NIPAL1: variants seen among roughly 807,000 people sequenced by gnomAD.
NIPAL1 encodes NIPA like domain containing 1.
Under a neutral mutation model 37.7 loss-of-function variants are expected in NIPAL1, and 35 were observed. The ratio of observed to expected loss-of-function variants is 0.93; its 90% CI spans 0.71 to 1.23. The LOEUF (loss-of-function observed/expected upper bound fraction) is 1.23, where lower values mean the gene tolerates loss of function less well. NIPAL1 is among the 50% of genes most tolerant of loss of function. The probability of loss-of-function intolerance (pLI) is 0.00; values close to 1 mark genes in which losing one functional copy is unlikely to be tolerated. For synonymous variants in NIPAL1, 162 were observed against 183.0 expected (o/e 0.89, Z 0.93); for missense variants, 412 against 473.9 (o/e 0.87, Z 1.21).
Position 48,024,074 on chromosome 4 carries a change from G to A in NIPAL1, c.47-994G>A, listed in dbSNP as rs369990959. Among the ~76,000 whole-genome samples the A allele has an allele frequency of 8.6e-5, 13 of 150,404 alleles. No homozygotes were observed. The South Asian group carries it at 2.7e-3, about 32-fold the overall frequency. ...CACTGCAGCCGCCTCCTGGGTTCAA[G>A]TGATTCTCCTGCCTCCACCTCCAGA... On this transcript the variant is annotated intron_variant, in intron 1 of 5. Transcript: ENST00000295461.
rs1716008043 is a variant in NIPAL1, at chr4:48,038,600, C to T, written c.*2428C>T. The T allele has an allele frequency of 7.2e-5, 11 of 152,080 alleles. No homozygotes were observed. Among genetic ancestry groups the T allele is most frequent in the Admixed American group, 7.2e-4 (11 of 15,276 alleles). 9.4% of individuals were successfully genotyped at this position (152,080 alleles called of 1,614,324 possible). ...TCCAGCCTGGGTGACAAGAGTGAGA[C>T]CCTGACCCAAAAAAGTATCTTCTGA... On this transcript the variant is annotated 3_prime_UTR_variant, in exon 6 of 6. Transcript: ENST00000295461.
chr4:48,028,498 T>C (rs1577625135), intron 2 of NIPAL1, among the ~76,000 whole-genome samples: 1 of 152,158 alleles, frequency 6.6e-6, no homozygotes, highest in Non-Finnish European at 1.5e-5. Context: ...GAAAAACTTT[T>C]CTGGACATTG....
intron 4 of NIPAL1, among the ~76,000 whole-genome samples, chr4:48,033,908 C>T (rs1221538867): frequency 2.0e-5 from 3 of 152,188 alleles, no homozygotes; most frequent in African/African-American, 4.8e-5. Flanking sequence ...TAAAGCACTT[C>T]AAACACTTGT....
At position 48,026,787 on chromosome 4, in the gene NIPAL1, C is replaced by T. The variant is rs539793633; in HGVS notation, c.313+1453C>T. 9.9e-5 allele frequency among the ~76,000 whole-genome samples: 15 copies of T among 151,274 alleles called. No individual in the cohort carries two copies. In the East Asian group the frequency reaches 1.7e-3, roughly 18 times the overall value. ...AGGCTGGAGTACAGTGGCATGATCT[C>T]GGCTCACTGCAACCTCCACCTCCCA... On this transcript the variant is annotated intron_variant, in intron 2 of 5. Transcript: ENST00000295461.
chr4:48,024,264 G>A (rs1017831040), intron 1 of NIPAL1, among the ~76,000 whole-genome samples: 1 of 151,600 alleles, frequency 6.6e-6, no homozygotes, highest in African/African-American at 2.4e-5. Context: ...CAGCCATAAT[G>A]CTCAGCCAAT....
Position 48,035,976 on chromosome 4 carries a change from C to T in NIPAL1, c.1037C>T (p.Thr346Ile), listed in dbSNP as rs768157903. 1.1e-5 allele frequency: 18 copies of T among 1,613,656 alleles called. No individual in the cohort carries two copies. Among genetic ancestry groups the T allele is most frequent in the Non-Finnish European group, 1.4e-5 (17 of 1,179,646 alleles). Residue 346 changes from threonine (T) to isoleucine (I), a missense_variant, in exon 6 of 6, where the codon ACT (threonine) becomes ATT (isoleucine). Coordinates refer to ENST00000295461, the MANE Select transcript of NIPAL1 (RefSeq NM_207330.3). ...ATTGGGACCCTGAGTGGATTCTTCACTATTATCATTGGCATCTTCCTTCTA... is the reference window on the plus strand; with the variant it reads ...ATTGGGACCCTGAGTGGATTCTTCATTATTATCATTGGCATCTTCCTTCTA... ...DIIGTLSGFF[T>I]IIIGIFLLHA...
At chr4:48,029,770 C>T (rs1167227186) in intron 2 of NIPAL1, among the ~76,000 whole-genome samples, 1 of 152,130 alleles carries the variant, frequency 6.6e-6, no homozygotes, top group African/African-American at 2.4e-5. Context: ...TGCATTTCCT[C>T]CTACCCAACA....
chr4:48,022,342 G>A (rs1464096272), intron 1 of NIPAL1, among the ~76,000 whole-genome samples: 1 of 152,076 alleles, frequency 6.6e-6, no homozygotes, highest in African/African-American at 2.4e-5. Context: ...AAGTCCTAAG[G>A]TCAGTAACCA....
intron 3 of NIPAL1, among the ~76,000 whole-genome samples, chr4:48,032,058 GAT>G (rs750374646): frequency 2.6e-5 from 4 of 152,160 alleles, no homozygotes; most frequent in Non-Finnish European, 5.9e-5. Context: ...TTCTTTCGAT[GAT>G]AGCAATGTCT....
chr4:48,035,883 C>T lies in NIPAL1; in HGVS notation c.944C>T (p.Thr315Ile). The T allele has an allele frequency of 6.2e-7, 1 of 1,613,924 alleles. No homozygotes were observed. The highest frequency in any genetic ancestry group is 8.5e-7 in the Non-Finnish European group (1 of 1,179,846). Reference sequence around the variant, plus strand: ...ACACCCATTTATTATGTATTCTTCACATCCATGGTAGTGACTTGCTCTGCC... The same window carrying T: ...ACACCCATTTATTATGTATTCTTCATATCCATGGTAGTGACTTGCTCTGCC... ...LVTPIYYVFF[T>I]SMVVTCSAIL... The change falls in exon 6 of 6, where the codon ACA becomes ATA. Residue 315 changes from threonine to isoleucine, a missense_variant. Transcript: ENST00000295461.
Position 48,032,326 on chromosome 4 carries a change from GA to G in NIPAL1, c.371-665del, listed in dbSNP as rs569586879. On this transcript the variant is annotated intron_variant, in intron 3 of 5. Transcript: ENST00000295461. ...GCCCCAGTACCAGAGCCCAGCTCTT[GA>G]AGGGATTTCTCTCACTCTAGAAGTT... Among the ~76,000 whole-genome samples the G allele has an allele frequency of 1.9e-4, 29 of 152,320 alleles. 1 individual carries two copies. The South Asian group carries it at 5.8e-3, about 30-fold the overall frequency.
At chr4:48,017,470 G>A (rs1337046992) in intron 1 of NIPAL1, among the ~76,000 whole-genome samples, 2 of 123,438 alleles carry the variant, frequency 1.6e-5, no homozygotes, top group East Asian at 4.5e-4. Context: ...CCATGAGCCT[G>A]TCTGACTCGC....
chr4:48,029,515 G>T (rs985987024), intron 2 of NIPAL1, among the ~76,000 whole-genome samples: 3 of 152,066 alleles, frequency 2.0e-5, no homozygotes, highest in Non-Finnish European at 2.9e-5. Flanking sequence ...TACACTAAAG[G>T]CCAGACTTTA....
Position 48,039,015 on chromosome 4 carries a change from A to G in NIPAL1, c.*2843A>G, listed in dbSNP as rs1414134245. Reference sequence around the variant, plus strand: ...GTCTACATAAAAGTTACTGATGCACATGCATTAAAAAAAAAAATGTTGTTG... The same window carrying G: ...GTCTACATAAAAGTTACTGATGCACGTGCATTAAAAAAAAAAATGTTGTTG... On this transcript the variant is annotated 3_prime_UTR_variant, in exon 6 of 6. Coordinates refer to ENST00000295461, the MANE Select transcript of NIPAL1 (RefSeq NM_207330.3). 6.6e-6 allele frequency: 1 copy of G among 151,640 alleles called. No individual in the cohort carries two copies. The highest frequency in any genetic ancestry group is 2.4e-5 in the African/African-American group (1 of 40,988). 9.4% of individuals were successfully genotyped at this position (151,640 alleles called of 1,614,324 possible).
At chr4:48,026,083 C>A (rs1440843199) in intron 2 of NIPAL1, among the ~76,000 whole-genome samples, 1 of 152,092 alleles carries the variant, frequency 6.6e-6, no homozygotes, top group Non-Finnish European at 1.5e-5. Flanking sequence ...CCTCACCGTA[C>A]CTAGGATAAT....
chr4:48,025,280 A>G lies in NIPAL1; in HGVS notation c.259A>G (p.Ile87Val). ...SSSIFIGSSF[I>V]LKKKGLLQLA... ...AAGTATTTTTATTGGCTCCAGCTTC[A>G]TACTGAAAAAGAAGGGCCTCTTGCA... The change falls in exon 2 of 6, where the codon ATA becomes GTA. Residue 87 changes from isoleucine (I) to valine (V), a missense_variant. Coordinates refer to ENST00000295461, the MANE Select transcript of NIPAL1 (RefSeq NM_207330.3). 1 of 1,614,186 alleles carries G rather than the reference A, an allele frequency of 6.2e-7. No individual in the cohort carries two copies. Among genetic ancestry groups the G allele is most frequent in the Non-Finnish European group, 8.5e-7 (1 of 1,180,036 alleles).
Position 48,036,343 on chromosome 4 carries a change from AT to A in NIPAL1, c.*173del. The A allele has an allele frequency of 1.7e-6, 1 of 581,768 alleles. No individual in the cohort carries two copies. The highest frequency in any genetic ancestry group is 2.3e-5 in the South Asian group (1 of 42,584). The allele number at this position is 581,768 out of a possible 1,614,324, so 36.0% of individuals were successfully genotyped here. On this transcript the variant is annotated 3_prime_UTR_variant, in exon 6 of 6. Coordinates refer to ENST00000295461, the MANE Select transcript of NIPAL1 (RefSeq NM_207330.3). The stretch of plus-strand genomic sequence containing the variant: ...TTTGGCCATTGAATTTGAAAATCAA[AT>A]TGATTATCCTCCAGAATCTCTACAA...
chr4:48,016,811 C>G lies in NIPAL1; in HGVS notation c.-29C>G. ...AGAGGCCCAGGTGAGGAGCAAGCGCCCGCGTTCCGGAAGCCCGCTCCCGGG... is the reference window on the plus strand; with the variant it reads ...AGAGGCCCAGGTGAGGAGCAAGCGCGCGCGTTCCGGAAGCCCGCTCCCGGG... On this transcript the variant is annotated 5_prime_UTR_variant, in exon 1 of 6. Transcript: ENST00000295461. The G allele has an allele frequency of 3.2e-6, 5 of 1,555,964 alleles. No individual in the cohort carries two copies. The highest frequency in any genetic ancestry group is 4.3e-6 in the Non-Finnish European group (5 of 1,156,356).
chr4:48,030,198 T>C, intron 3 of NIPAL1, 22 bp downstream of exon 3: 1 of 1,414,320 alleles, frequency 7.1e-7, no homozygotes, highest in Non-Finnish European at 1.0e-6. Flanking sequence ...ATACTGAGAA[T>C]ACTGTTTATT....
Sources: allele counts gnomAD v4.1 joint callset (sites outside exome capture counted in the v4.1 genomes callset), GRCh38; gene constraint gnomAD v4.1.1; transcripts MANE v1.5; gene names NCBI Gene and HGNC (gene_info 2026-07-23, HGNC 2026-07-21).